The following CNTNAP2 variants were observed in gnomAD, a reference collection of about 807,000 sequenced individuals.
CNTNAP2 encodes contactin-associated protein-like 2.
Under a neutral mutation model 155.2 loss-of-function variants are expected in CNTNAP2, and 98 were observed. The ratio of observed to expected loss-of-function variants is 0.63; its 90% confidence interval spans 0.54 to 0.75. CNTNAP2 has a LOEUF of 0.75. Ranked by LOEUF, CNTNAP2 falls within the 30% of genes least tolerant of loss-of-function variation. CNTNAP2 has a pLI of 0.00. For missense variants in CNTNAP2, 1,727 were observed against 1,688.1 expected, an observed-to-expected ratio of 1.02 and a Z score of -0.40; for synonymous variants, 651 against 631.2, an observed-to-expected ratio of 1.03 and a Z score of -0.47.
At chr7:146,597,202 G>T (rs1333123419) in intron 1 of CNTNAP2, among the ~76,000 whole-genome samples, 1 of 152,000 alleles carries the variant, frequency 6.6e-6, no homozygotes, top group African/African-American at 2.4e-5. Context: ...ATTATAGTTT[G>T]GTGGCCGTTG....
At chr7:147,692,185 C>T (rs958202331) in intron 13 of CNTNAP2, among the ~76,000 whole-genome samples, 1 of 152,050 alleles carries the variant, frequency 6.6e-6, no homozygotes, top group Non-Finnish European at 1.5e-5. Context: ...TTTCAAGGCT[C>T]AATATCTCAT....
intron 14 of CNTNAP2, among the ~76,000 whole-genome samples, chr7:147,918,954 TG>T (rs1207853405): frequency 6.6e-6 from 1 of 152,138 alleles, no homozygotes; most frequent in African/African-American, 2.4e-5. Context: ...GACTTTGAGA[TG>T]GAGAGATTAT....
At chr7:147,249,359 A>G (rs897882762) in intron 8 of CNTNAP2, among the ~76,000 whole-genome samples, 3 of 152,138 alleles carry the variant, frequency 2.0e-5, no homozygotes, top group African/African-American at 7.2e-5. Context: ...CCACGTTAAG[A>G]GGCACAAGTT....
intron 22 of CNTNAP2, among the ~76,000 whole-genome samples, chr7:148,406,476 A>C (rs1468286627): frequency 1.3e-5 from 2 of 152,188 alleles, no homozygotes; most frequent in Non-Finnish European, 2.9e-5. Context: ...CATAGTCCCA[A>C]CCCAAGCCAA....
At chr7:146,968,068 C>T (rs1447242712) in intron 3 of CNTNAP2, among the ~76,000 whole-genome samples, 3 of 149,800 alleles carry the variant, frequency 2.0e-5, no homozygotes, top group Admixed American at 1.3e-4. Context: ...TTGAGATAAT[C>T]ATGTGTTTTT....
rs1465829426 is a variant in CNTNAP2, at chr7:148,019,752, C to G, written c.2383+41763C>G. The stretch of plus-strand genomic sequence containing the variant: ...GGTTACAGGTGTGAGCCATCGTGCC[C>G]ATTCTCAGGGTATTCTTTTTTTGGG... On this transcript the variant is annotated intron_variant, in intron 15 of 23. Transcript: ENST00000361727. 2.0e-5 allele frequency among the ~76,000 whole-genome samples: 3 copies of G among 151,186 alleles called. No homozygotes were observed. In the East Asian group the frequency reaches 5.9e-4, roughly 30 times the overall value.
chr7:147,415,322 G>A (rs1797174221), intron 10 of CNTNAP2, among the ~76,000 whole-genome samples: 1 of 152,160 alleles, frequency 6.6e-6, no homozygotes, highest in African/African-American at 2.4e-5. Context: ...CAATTGATAA[G>A]GTTAGGCTTT....
chr7:147,986,068 C>T (rs1801613938), intron 15 of CNTNAP2, among the ~76,000 whole-genome samples: 2 of 152,072 alleles, frequency 1.3e-5, no homozygotes, highest in South Asian at 4.2e-4. Context: ...TGATTTCTGG[C>T]TCACTTTGCT....
In CNTNAP2 at chr7:146,543,378, C is replaced by A. The variant is rs978518825; in HGVS notation, c.98-230893C>A. ...ATACATAAACCTCAGTCAAGGTATA[C>A]CCCATACCCAAGAACATTCCCTCAT... is the stretch of plus-strand genomic sequence containing the variant. On this transcript the variant is annotated intron_variant, in intron 1 of 23. Transcript: ENST00000361727. Among the ~76,000 whole-genome samples the A allele has an allele frequency of 4.0e-5, 6 of 151,822 alleles. No homozygotes were observed. In the East Asian group the frequency reaches 7.8e-4, roughly 20 times the overall value.
chr7:146,223,800 A>T (rs1433043346), intron 1 of CNTNAP2, among the ~76,000 whole-genome samples: 1 of 152,212 alleles, frequency 6.6e-6, no homozygotes, highest in Non-Finnish European at 1.5e-5. Context: ...TAAAAAATAA[A>T]CACCTAGCTC....
At chr7:148,143,496 T>C (rs1419860188) in intron 16 of CNTNAP2, among the ~76,000 whole-genome samples, 1 of 152,050 alleles carries the variant, frequency 6.6e-6, no homozygotes, top group Non-Finnish European at 1.5e-5. Context: ...CTGGGCAACA[T>C]GGCAAAACCC....
intron 1 of CNTNAP2, among the ~76,000 whole-genome samples, chr7:146,398,184 C>CTTTTTTT (rs34144986): frequency 9.3e-6 from 1 of 107,048 alleles, no homozygotes; most frequent in African/African-American, 4.1e-5. Flanking sequence ...CGGCCCCAAA[C>CTTTTTTT]TTTTTTTTTT....
At chr7:147,910,163 T>C (rs1800036656) in intron 14 of CNTNAP2, among the ~76,000 whole-genome samples, 1 of 152,246 alleles carries the variant, frequency 6.6e-6, no homozygotes, top group Admixed American at 6.5e-5. Context: ...ATAATCGTTA[T>C]AATTTTTTGT....
chr7:147,752,494 G>GA (rs1797151616), intron 13 of CNTNAP2, among the ~76,000 whole-genome samples: 5 of 152,178 alleles, frequency 3.3e-5, no homozygotes, highest in Admixed American at 1.3e-4. Flanking sequence ...CAGGAGCCTG[G>GA]TCAATACGGT....
rs139482463 is a variant in CNTNAP2 at position 147,219,467 on chromosome 7, A to G, written c.1349-80674A>G. Among the ~76,000 whole-genome samples, 361 of 152,308 alleles carry G rather than the reference A, an allele frequency of 2.4e-3. 2 individuals are homozygous for G. The highest frequency in any genetic ancestry group is 8.2e-3 in the African/African-American group (340 of 41,572). The stretch of plus-strand genomic sequence containing the variant: ...CTTGGAGTCTGATGTTCCGAGGGCA[A>G]GAAGCATCCAGCATGGGACAAAGAT... On this transcript the variant is annotated intron_variant, in intron 8 of 23. Coordinates refer to ENST00000361727, the MANE Select transcript of CNTNAP2 (RefSeq NM_014141.6).
chr7:147,919,393 C>T (rs768695411), intron 14 of CNTNAP2, among the ~76,000 whole-genome samples: 19 of 151,376 alleles, frequency 1.3e-4, no homozygotes, highest in Non-Finnish European at 2.5e-4. Context: ...GATGATCCTC[C>T]CACGTCAGCC....
intron 1 of CNTNAP2, among the ~76,000 whole-genome samples, chr7:146,341,587 G>C (rs1052345580): frequency 6.6e-6 from 1 of 152,062 alleles, no homozygotes; most frequent in African/African-American, 2.4e-5. Context: ...ACATAACATA[G>C]TAATAATGCT....
intron 21 of CNTNAP2, among the ~76,000 whole-genome samples, chr7:148,268,758 C>T (rs1796721628): frequency 6.6e-6 from 1 of 152,062 alleles, no homozygotes; most frequent in African/African-American, 2.4e-5. Context: ...ATCTTCGTCA[C>T]AATTGTATGA....
At chr7:148,358,645 A>G (rs1798563677) in intron 21 of CNTNAP2, among the ~76,000 whole-genome samples, 1 of 152,142 alleles carries the variant, frequency 6.6e-6, no homozygotes, top group Non-Finnish European at 1.5e-5. Context: ...CTTTTAATAC[A>G]TCTGTTATTC....
Sources: gnomAD v4.1 joint callset for allele counts (sites outside exome capture counted in the v4.1 genomes callset) on GRCh38, gnomAD v4.1.1 for gene constraint, MANE v1.5 for transcripts, NCBI Gene and HGNC (gene_info 2026-07-23, HGNC 2026-07-21) for gene names.